The following SLC35F4 variants were observed in gnomAD, a reference collection of about 807,000 sequenced individuals.
SLC35F4 encodes chromosome 14 open reading frame 36.
In SLC35F4, 24 loss-of-function variants were observed where a neutral mutation model predicts 44.2. The ratio of observed to expected loss-of-function variants is 0.54; its 90% CI spans 0.39 to 0.76. The LOEUF (loss-of-function observed/expected upper bound fraction) is 0.76. SLC35F4 is among the 30% of genes least tolerant of loss of function. The probability of loss-of-function intolerance (pLI) is 0.00; values close to 1 mark genes in which losing one functional copy is unlikely to be tolerated. For synonymous variants in SLC35F4, 238 were observed against 223.6 expected (o/e 1.06, Z -0.57); for missense variants, 562 against 586.1 (o/e 0.96, Z 0.42).
intron 1 of SLC35F4, among the ~76,000 whole-genome samples, chr14:57,858,646 T>C (rs1420030535): frequency 6.6e-6 from 1 of 151,426 alleles, no homozygotes; most frequent in Non-Finnish European, 1.5e-5. Flanking sequence ...AACCTGCACA[T>C]TGTGCACATG....
intron 1 of SLC35F4, among the ~76,000 whole-genome samples, chr14:57,694,334 T>C (rs575764490): frequency 6.6e-6 from 1 of 152,192 alleles, no homozygotes; most frequent in Non-Finnish European, 1.5e-5. Context: ...AAATAGGTAT[T>C]TATCAAAAAT....
chr14:57,902,528 A>C (rs1298155447), intron 1 of SLC35F4, among the ~76,000 whole-genome samples: 3 of 150,500 alleles, frequency 2.0e-5, no homozygotes, highest in African/African-American at 7.4e-5. Context: ...ACGCCATTGC[A>C]CTCCAGCCTG....
At chr14:57,937,502 T>A (rs1305922325) in intron 1 of SLC35F4, among the ~76,000 whole-genome samples, 1 of 147,588 alleles carries the variant, frequency 6.8e-6, no homozygotes, top group Non-Finnish European at 1.5e-5. Context: ...TAGGTTATCA[T>A]AATAGAAATA....
intron 1 of SLC35F4, among the ~76,000 whole-genome samples, chr14:57,971,206 G>C (rs975439218): frequency 1.3e-5 from 2 of 152,140 alleles, no homozygotes; most frequent in African/African-American, 4.8e-5. Context: ...ATGTACATAG[G>C]TTCTTCTAAA....
intron 1 of SLC35F4, among the ~76,000 whole-genome samples, chr14:57,744,785 C>A (rs989234122): frequency 1.3e-5 from 2 of 152,166 alleles, no homozygotes; most frequent in African/African-American, 4.8e-5. Context: ...ATTGCCAAGA[C>A]AATCCTAAGC....
chr14:57,653,712 C>T (rs1594716107), intron 1 of SLC35F4, among the ~76,000 whole-genome samples: 1 of 152,190 alleles, frequency 6.6e-6, no homozygotes, highest in African/African-American at 2.4e-5. Context: ...GTGTTTGCTG[C>T]CAATGTGCAG....
At chr14:57,637,528 A>C (rs775440842) in intron 1 of SLC35F4, among the ~76,000 whole-genome samples, 22 of 152,084 alleles carry the variant, frequency 1.4e-4, no homozygotes, top group Non-Finnish European at 2.9e-4. Flanking sequence ...ACACACGCAA[A>C]TGTCCAAATA....
chr14:57,728,731 G>C (rs1333593272), intron 1 of SLC35F4, among the ~76,000 whole-genome samples: 1 of 151,904 alleles, frequency 6.6e-6, no homozygotes, highest in Non-Finnish European at 1.5e-5. Context: ...CCAAAGTGCT[G>C]GGATTACACG....
chr14:57,838,457 CA>C (rs1431415883), intron 1 of SLC35F4, among the ~76,000 whole-genome samples: 1 of 152,060 alleles, frequency 6.6e-6, no homozygotes, highest in Non-Finnish European at 1.5e-5. Flanking sequence ...AAAAAGGAGT[CA>C]AAAAAATATA....
At chr14:57,745,197 C>A (rs1454895983) in intron 1 of SLC35F4, among the ~76,000 whole-genome samples, 1 of 152,104 alleles carries the variant, frequency 6.6e-6, no homozygotes, top group Non-Finnish European at 1.5e-5. Flanking sequence ...TCTAAAACAC[C>A]AAAAGCAATG....
At chr14:57,979,453 C>T (rs965504667) in intron 1 of SLC35F4, among the ~76,000 whole-genome samples, 1 of 152,176 alleles carries the variant, frequency 6.6e-6, no homozygotes, top group African/African-American at 2.4e-5. Flanking sequence ...TGGTTCCACA[C>T]AAGCCACTGT....
Position 57,790,377 on chromosome 14 carries a change from C to T in SLC35F4, c.103+75346G>A, listed in dbSNP as rs1318293231. ...GAGAGACAAATCATGAGTGAACTCC[C>T]ATTCATAATTGCTGCAAAGAGAAAA... On this transcript the variant is annotated intron_variant, in intron 1 of 7. Transcript: ENST00000556826. 3.3e-5 allele frequency among the ~76,000 whole-genome samples: 5 copies of T among 152,062 alleles called. No individual in the cohort carries two copies. The East Asian group carries it at 7.7e-4, about 23-fold the overall frequency.
At chr14:57,818,788 A>C (rs558651962) in intron 1 of SLC35F4, among the ~76,000 whole-genome samples, 11 of 152,320 alleles carry the variant, frequency 7.2e-5, no homozygotes, top group Admixed American at 6.5e-4. Flanking sequence ...GATGAATATC[A>C]ATTACAGCCT....
chr14:57,611,600 A>C (rs993790379), intron 1 of SLC35F4, among the ~76,000 whole-genome samples: 2 of 151,378 alleles, frequency 1.3e-5, no homozygotes, highest in African/African-American at 4.9e-5. Flanking sequence ...AAAAAAAAAC[A>C]AAAAAAAGAG....
chr14:57,899,944 G>A (rs1270781360), intron 1 of SLC35F4, among the ~76,000 whole-genome samples: 1 of 152,102 alleles, frequency 6.6e-6, no homozygotes, highest in East Asian at 1.9e-4. Flanking sequence ...GGACCCAAGT[G>A]GGTTACCACT....
At chr14:57,606,166 G>T (rs993884356) in intron 1 of SLC35F4, among the ~76,000 whole-genome samples, 2 of 152,266 alleles carry the variant, frequency 1.3e-5, no homozygotes, top group African/African-American at 2.4e-5. Flanking sequence ...AAAACTAAAA[G>T]TGCTTTTTGG....
chr14:57,952,938 C>T (rs1890167091), intron 1 of SLC35F4, among the ~76,000 whole-genome samples: 5 of 152,114 alleles, frequency 3.3e-5, no homozygotes, highest in Admixed American at 3.3e-4. Flanking sequence ...ATACAGAGAA[C>T]ACCACAGAGA....
intron 1 of SLC35F4, among the ~76,000 whole-genome samples, chr14:57,906,385 A>G (rs1461729244): frequency 6.6e-6 from 1 of 152,202 alleles, no homozygotes; most frequent in South Asian, 2.1e-4. Context: ...TCTCTGTATC[A>G]GTCAGTAACT....
At chr14:57,981,251 TATA>T (rs1881372419) in intron 1 of SLC35F4, among the ~76,000 whole-genome samples, 1 of 152,196 alleles carries the variant, frequency 6.6e-6, no homozygotes, top group South Asian at 2.1e-4. Context: ...TGAGGAGAAT[TATA>T]ATATTTAGTG....
Sources: allele counts gnomAD v4.1 joint callset (sites outside exome capture counted in the v4.1 genomes callset), GRCh38; gene constraint gnomAD v4.1.1; transcripts MANE v1.5; gene names NCBI Gene and HGNC (gene_info 2026-07-23, HGNC 2026-07-21).